Variants in AFG2A observed in about 807,000 individuals in gnomAD.
AFG2A encodes the protein AAA ATPase AFG2A.
chr4:123,033,752 C>A, the AFG2A span, among the ~76,000 whole-genome samples: 1 of 152,150 alleles, frequency 6.6e-6, no homozygotes, highest in Non-Finnish European at 1.5e-5. Flanking sequence ...TACTTCCTAA[C>A]CTTAGCACTT....
chr4:123,289,903 C>T, the AFG2A span, among the ~76,000 whole-genome samples: 1 of 151,918 alleles, frequency 6.6e-6, no homozygotes, highest in Non-Finnish European at 1.5e-5. Context: ...ACATGTTGTG[C>T]AGGTTACATA....
chr4:123,088,623 T>C, the AFG2A span, among the ~76,000 whole-genome samples: 1 of 152,174 alleles, frequency 6.6e-6, no homozygotes, highest in African/African-American at 2.4e-5. Flanking sequence ...GATTGGATCA[T>C]GGGGGCAGAT....
chr4:122,940,008 C>T, the AFG2A span, among the ~76,000 whole-genome samples: 1 of 152,176 alleles, frequency 6.6e-6, no homozygotes, highest in Non-Finnish European at 1.5e-5. Context: ...ATATGTGCCA[C>T]ATTTTCTTAA....
the AFG2A span, among the ~76,000 whole-genome samples, chr4:122,974,039 C>T: frequency 6.6e-6 from 1 of 152,024 alleles, no homozygotes; most frequent in African/African-American, 2.4e-5. Context: ...TGTTTTCCTC[C>T]TGTGAGTTAC....
the AFG2A span, among the ~76,000 whole-genome samples, chr4:123,142,439 T>A: frequency 6.6e-6 from 1 of 152,168 alleles, no homozygotes. Context: ...ATAAATATAT[T>A]TAATTTAGAA....
the AFG2A span, among the ~76,000 whole-genome samples, chr4:123,155,557 T>C: frequency 1.3e-5 from 2 of 152,158 alleles, no homozygotes; most frequent in Non-Finnish European, 2.9e-5. Flanking sequence ...CAACTATGAA[T>C]TGAAAATATT....
At chr4:123,019,850 G>T in the AFG2A span, among the ~76,000 whole-genome samples, 1 of 152,118 alleles carries the variant, frequency 6.6e-6, no homozygotes, top group African/African-American at 2.4e-5. Flanking sequence ...AAAATTGATT[G>T]AATTTATTTC....
the AFG2A span, among the ~76,000 whole-genome samples, chr4:123,192,894 G>A: frequency 1.3e-5 from 2 of 152,168 alleles, no homozygotes; most frequent in East Asian, 3.8e-4. Flanking sequence ...GTCATATTCA[G>A]CGTTAACTTT....
At chr4:123,038,483 CTT>C in the AFG2A span, among the ~76,000 whole-genome samples, 2 of 152,006 alleles carry the variant, frequency 1.3e-5, no homozygotes, top group Non-Finnish European at 2.9e-5. Context: ...TGAATATAGA[CTT>C]TTAAACTCTT....
the AFG2A span, among the ~76,000 whole-genome samples, chr4:123,228,742 C>G: frequency 6.6e-6 from 1 of 151,994 alleles, no homozygotes; most frequent in Non-Finnish European, 1.5e-5. Flanking sequence ...ATGTTACACA[C>G]TTAGCAAATG....
At chr4:123,133,799 ACTGT>A in the AFG2A span, among the ~76,000 whole-genome samples, 1 of 152,172 alleles carries the variant, frequency 6.6e-6, no homozygotes, top group African/African-American at 2.4e-5. Flanking sequence ...GCCAAAACTT[ACTGT>A]CTTTCATCTT....
At chr4:123,039,184 G>A in the AFG2A span, among the ~76,000 whole-genome samples, 1 of 152,032 alleles carries the variant, frequency 6.6e-6, no homozygotes, top group East Asian at 1.9e-4. Context: ...TAATTAAAAA[G>A]CAGTATATAT....
the AFG2A span, among the ~76,000 whole-genome samples, chr4:123,160,680 A>G: frequency 6.6e-6 from 1 of 150,734 alleles, no homozygotes; most frequent in East Asian, 1.9e-4. Context: ...TTTGGGCTCT[A>G]TGCATAGAGC....
chr4:123,122,666 T>C, the AFG2A span, among the ~76,000 whole-genome samples: 1 of 152,170 alleles, frequency 6.6e-6, no homozygotes, highest in African/African-American at 2.4e-5. Context: ...ATTGACAGTG[T>C]ATTGATAAAC....
the AFG2A span, among the ~76,000 whole-genome samples, chr4:123,083,312 G>T: frequency 6.6e-6 from 1 of 151,946 alleles, no homozygotes; most frequent in Non-Finnish European, 1.5e-5. Context: ...CTCTATTCCT[G>T]GTTTGCTGAG....
At chr4:123,150,770 T>C in the AFG2A span, among the ~76,000 whole-genome samples, 2 of 152,148 alleles carry the variant, frequency 1.3e-5, no homozygotes, top group Non-Finnish European at 2.9e-5. Context: ...AGAAACTACT[T>C]TAAGTTTCAT....
the AFG2A span, among the ~76,000 whole-genome samples, chr4:123,045,389 G>A: frequency 5.3e-5 from 8 of 152,260 alleles, no homozygotes; most frequent in African/African-American, 1.9e-4. Context: ...TGTCACTCAA[G>A]TTTTGTCAGC....
the AFG2A span, among the ~76,000 whole-genome samples, chr4:122,991,585 G>A: frequency 5.3e-5 from 8 of 152,144 alleles, no homozygotes; most frequent in Non-Finnish European, 1.2e-4. Context: ...ACTATCAAAA[G>A]CTAAAGGATG....
At chr4:123,279,449 A>C in the AFG2A span, among the ~76,000 whole-genome samples, 1 of 152,102 alleles carries the variant, frequency 6.6e-6, no homozygotes, top group African/African-American at 2.4e-5. Context: ...ACTAATGTAT[A>C]TAAAATATAC....
Sources: gnomAD v4.1 joint callset for allele counts (sites outside exome capture counted in the v4.1 genomes callset) on GRCh38, gnomAD v4.1.1 for gene constraint, MANE v1.5 for transcripts, NCBI Gene and HGNC (gene_info 2026-07-23, HGNC 2026-07-21) for gene names.